SCRG1: variants seen among roughly 807,000 people sequenced by gnomAD.
SCRG1 encodes the protein scrapie-responsive protein 1.
SCRG1 carries 3 observed loss-of-function variants against 7.7 expected under a neutral mutation model. The ratio of observed to expected loss-of-function variants is 0.39; its 90% CI spans 0.18 to 1.01. The LOEUF is 1.01. SCRG1 is among the 50% of genes least tolerant of loss of function. SCRG1 has a pLI of 0.36. For synonymous variants in SCRG1, 46 were observed against 41.2 expected (o/e 1.12, Z -0.44); for missense variants, 110 against 117.2 (o/e 0.94, Z 0.28).
chr4:173,391,402 C>T lies in SCRG1; in HGVS notation c.13G>A (p.Val5Ile). The change falls in exon 2 of 3, where the codon GTA becomes ATA. Residue 5 changes from valine (V) to isoleucine (I), a missense_variant. By Grantham distance (29) the Val-to-Ile change is conservative (BLOSUM62 3). Coordinates refer to ENST00000296506, the MANE Select transcript of SCRG1 (RefSeq NM_007281.4). MKLMVLVFTIGLTLL... is the reference protein window; with the variant it reads MKLMILVFTIGLTLL... ...GTTAGCCCAATGGTGAAAACAAGTA[C>T]CATCAGTTTCATTTTGGCTTTTGGC... 6.2e-7 allele frequency: 1 copy of T among 1,614,090 alleles called. No individual in the cohort carries two copies. The highest frequency in any genetic ancestry group is 8.5e-7 in the Non-Finnish European group (1 of 1,179,968).
At chr4:173,407,656 A>G (rs754588081), upstream of SCRG1, among the ~76,000 whole-genome samples, 1 of 152,226 alleles carries the variant, frequency 6.6e-6, no homozygotes, top group Non-Finnish European at 1.5e-5. Context: ...ATTTGTAATA[A>G]TCTAGCCTTT....
At chr4:173,472,766 G>A in the SCRG1 span, among the ~76,000 whole-genome samples, 3 of 152,128 alleles carry the variant, frequency 2.0e-5, no homozygotes, top group Non-Finnish European at 4.4e-5. Context: ...CTTTTTTGCT[G>A]AGAATGTTAA....
chr4:173,503,019 G>A, the SCRG1 span, among the ~76,000 whole-genome samples: 511 of 152,290 alleles, frequency 3.4e-3, 4 homozygotes, highest in Non-Finnish European at 4.0e-3. The surrounding 1 kb of genome is among the most constrained non-coding windows in gnomAD (Gnocchi z 6.4). Flanking sequence ...CCTAGCACCC[G>A]TGGACCTCAA....
chr4:173,466,774 A>G, the SCRG1 span, among the ~76,000 whole-genome samples: 1 of 152,224 alleles, frequency 6.6e-6, no homozygotes, highest in Non-Finnish European at 1.5e-5. Context: ...CTGTAAAACT[A>G]TAGTGAATTA....
the SCRG1 span, among the ~76,000 whole-genome samples, chr4:173,458,659 C>T: frequency 6.6e-6 from 1 of 152,110 alleles, no homozygotes; most frequent in Non-Finnish European, 1.5e-5. Context: ...ACCATCACAT[C>T]ACGATGATAA....
the SCRG1 span, among the ~76,000 whole-genome samples, chr4:173,451,056 G>A: frequency 6.6e-6 from 1 of 152,078 alleles, no homozygotes; most frequent in Admixed American, 6.6e-5. Flanking sequence ...AGTCCTATCT[G>A]ACATAATTTT....
At chr4:173,429,267 T>C in the SCRG1 span, among the ~76,000 whole-genome samples, 1 of 150,454 alleles carries the variant, frequency 6.6e-6, no homozygotes, top group Non-Finnish European at 1.5e-5. Flanking sequence ...ATTCTTGTTT[T>C]GTTTTGGAAG....
the SCRG1 span, among the ~76,000 whole-genome samples, chr4:173,486,572 A>G: frequency 2.6e-5 from 4 of 152,172 alleles, no homozygotes; most frequent in Admixed American, 2.6e-4. Context: ...CCATTTAAAA[A>G]TATATCTGAT....
At chr4:173,472,192 T>C in the SCRG1 span, among the ~76,000 whole-genome samples, 1 of 152,236 alleles carries the variant, frequency 6.6e-6, no homozygotes, top group South Asian at 2.1e-4. Flanking sequence ...GTCTAAAATA[T>C]GGCCATGGAG....
At chr4:173,514,741 A>T in the SCRG1 span, among the ~76,000 whole-genome samples, 1 of 152,214 alleles carries the variant, frequency 6.6e-6, no homozygotes. Flanking sequence ...AACTCTACCA[A>T]AGGATAGAGC....
chr4:173,439,556 A>G, the SCRG1 span, among the ~76,000 whole-genome samples: 1 of 151,644 alleles, frequency 6.6e-6, no homozygotes, highest in Non-Finnish European at 1.5e-5. Context: ...TTATACACAT[A>G]TATGTATCAT....
the SCRG1 span, chr4:173,419,869 G>T: frequency 1.8e-6 from 2 of 1,120,138 alleles, no homozygotes; most frequent in African/African-American, 1.5e-5. Context: ...CCAGCAGCAG[G>T]CCAGTACAAT....
the SCRG1 span, among the ~76,000 whole-genome samples, chr4:173,513,213 T>C: frequency 6.6e-6 from 1 of 152,242 alleles, no homozygotes; most frequent in Non-Finnish European, 1.5e-5. Flanking sequence ...ACTTTTTTAC[T>C]TCTTTTATTT....
At chr4:173,483,222 ATATAT>A in the SCRG1 span, among the ~76,000 whole-genome samples, 4 of 66,730 alleles carry the variant, frequency 6.0e-5, no homozygotes, top group African/African-American at 1.6e-4. Context: ...CATATAATAT[ATATAT>A]TATATATAAT....
the SCRG1 span, among the ~76,000 whole-genome samples, chr4:173,505,657 C>G: frequency 6.7e-6 from 1 of 148,606 alleles, no homozygotes; most frequent in Non-Finnish European, 1.5e-5. The surrounding 1 kb of genome is among the most constrained non-coding windows in gnomAD (Gnocchi z 4.4). Context: ...TTCTATCTCA[C>G]TCCTCCTACC....
At chr4:173,408,757 C>G (rs1401709609), upstream of SCRG1, among the ~76,000 whole-genome samples, 1 of 151,934 alleles carries the variant, frequency 6.6e-6, no homozygotes, top group African/African-American at 2.4e-5. Context: ...ATTTTGGGAG[C>G]CTGAGGCAGG....
At chr4:173,440,405 T>C in the SCRG1 span, among the ~76,000 whole-genome samples, 2 of 152,218 alleles carry the variant, frequency 1.3e-5, no homozygotes, top group Non-Finnish European at 2.9e-5. Flanking sequence ...TTGGCAGGCA[T>C]GGCAAATTTG....
chr4:173,483,805 T>TTA, the SCRG1 span, among the ~76,000 whole-genome samples: 6 of 99,188 alleles, frequency 6.0e-5, 2 homozygotes, highest in African/African-American at 2.3e-4. Flanking sequence ...ATATGATATA[T>TTA]GATATGTAAT....
At chr4:173,484,926 A>ATATAT in the SCRG1 span, among the ~76,000 whole-genome samples, 52,295 of 53,532 alleles carry the variant, frequency 0.98, 25,600 homozygotes, top group Middle Eastern at 1. Flanking sequence ...TTTAGATATT[A>ATATAT]TATATTATAT....
Sources: allele counts gnomAD v4.1 joint callset (sites outside exome capture counted in the v4.1 genomes callset), GRCh38; gene constraint gnomAD v4.1.1; non-coding constraint Gnocchi (gnomAD v3.1); transcripts MANE v1.5; gene names NCBI Gene and HGNC (gene_info 2026-07-23, HGNC 2026-07-21).